Variants in KCNK2 observed in about 807,000 individuals in gnomAD.
KCNK2 encodes potassium two pore domain channel subfamily K member 2.
In KCNK2, 21 loss-of-function variants were observed where a neutral mutation model predicts 40.5. The observed-to-expected ratio is 0.52, with a 90% CI of 0.37 to 0.75. The LOEUF (loss-of-function observed/expected upper bound fraction) is 0.75, where lower values mean the gene tolerates loss of function less well. KCNK2 is among the 30% of genes least tolerant of loss of function. KCNK2 has a pLI of 0.00. For synonymous variants in KCNK2, 191 were observed against 202.2 expected (o/e 0.94, Z 0.47); for missense variants, 399 against 531.6 (o/e 0.75, Z 2.45).
intron 2 of KCNK2, among the ~76,000 whole-genome samples, chr1:215,087,807 A>T (rs769191294): frequency 2.0e-4 from 31 of 152,140 alleles, no homozygotes; most frequent in Non-Finnish European, 1.2e-4. Flanking sequence ...CCTTTCTCTC[A>T]TTTCCTCTTG....
At chr1:215,084,601 T>G (rs527438920) in intron 1 of KCNK2, among the ~76,000 whole-genome samples, 1 of 152,218 alleles carries the variant, frequency 6.6e-6, no homozygotes, top group African/African-American at 2.4e-5. Context: ...TTTTAACAGT[T>G]TTTTTTAATT....
In KCNK2 at chr1:215,083,201, C is replaced by CAA; in HGVS notation, c.-185_-184insAA. ...TTTCGTTTCTTCTCACGCTCCCCCCCCCGCCCCCTCCCGCGTCCAGCCCCG... is the reference window on the plus strand; with the variant it reads ...TTTCGTTTCTTCTCACGCTCCCCCCCAACCGCCCCCTCCCGCGTCCAGCCCCG... On this transcript the variant is annotated 5_prime_UTR_variant, in exon 1 of 7. Transcript: ENST00000444842. 5.3e-6 allele frequency: 4 copies of CAA among 753,662 alleles called. No homozygotes were observed. The highest frequency in any genetic ancestry group is 8.3e-6 in the Non-Finnish European group (4 of 479,538). The allele number at this position is 753,662 out of a possible 1,614,324, so 46.7% of individuals were successfully genotyped here. A position where few individuals can be genotyped will look rare whatever the true frequency, so the allele number is the denominator to read the frequency against.
intron 2 of KCNK2, among the ~76,000 whole-genome samples, chr1:215,105,029 T>C (rs1204617740): frequency 6.6e-6 from 1 of 151,986 alleles, no homozygotes; most frequent in East Asian, 1.9e-4. Flanking sequence ...TAAACTGTTC[T>C]GTTATATCAG....
chr1:215,140,148 A>T (rs1268588871), intron 3 of KCNK2, among the ~76,000 whole-genome samples: 1 of 152,196 alleles, frequency 6.6e-6, no homozygotes, highest in Admixed American at 6.6e-5. Context: ...CTCAGGTATT[A>T]TAATATGAAC....
chr1:215,111,198 A>C (rs1422075131), intron 2 of KCNK2, among the ~76,000 whole-genome samples: 2 of 151,832 alleles, frequency 1.3e-5, no homozygotes, highest in Non-Finnish European at 1.5e-5. Context: ...TTCTTTTCTG[A>C]TTTGGATGTC....
intron 6 of KCNK2, among the ~76,000 whole-genome samples, chr1:215,205,773 T>C (rs916767287): frequency 6.6e-6 from 1 of 152,170 alleles, no homozygotes; most frequent in Admixed American, 6.5e-5. Flanking sequence ...TTTGCTATCC[T>C]GATTAATTTG....
chr1:215,214,754 A>C (rs1571740155), intron 6 of KCNK2, among the ~76,000 whole-genome samples: 1 of 152,090 alleles, frequency 6.6e-6, no homozygotes, highest in Admixed American at 6.6e-5. Flanking sequence ...TGAGCCCGGG[A>C]GGTCGAGGTT....
At chr1:215,022,121 A>ATCTG (rs1340115683) in intron 1 of KCNK2, among the ~76,000 whole-genome samples, 1 of 59,050 alleles carries the variant, frequency 1.7e-5, no homozygotes, top group African/African-American at 3.8e-5. Flanking sequence ...CTATCTATCT[A>ATCTG]TCTATCTAAT....
chr1:215,202,735 T>G (rs1350395995), intron 6 of KCNK2, among the ~76,000 whole-genome samples: 1 of 152,178 alleles, frequency 6.6e-6, no homozygotes. Context: ...GAGAGAATGA[T>G]GTAAAATGCA....
intron 3 of KCNK2, among the ~76,000 whole-genome samples, chr1:215,128,251 C>T (rs1040833694): frequency 1.3e-5 from 2 of 152,052 alleles, no homozygotes; most frequent in Non-Finnish European, 2.9e-5. Flanking sequence ...TTGCAGGCAT[C>T]GGGAGCTCAT....
Position 215,223,444 on chromosome 1 carries a change from T to C in KCNK2, c.964-11384T>C, listed in dbSNP as rs529090267. Among the ~76,000 whole-genome samples the C allele has an allele frequency of 5.6e-4, 85 of 152,020 alleles. 1 individual carries two copies. The highest frequency in any genetic ancestry group is 3.4e-3 in the Middle Eastern group (1 of 294). On this transcript the variant is annotated intron_variant, in intron 6 of 6. Transcript: ENST00000444842. Reference sequence around the variant, plus strand: ...GAAGATTGCTTAAGAAGAGAAAGTATAGCCAATTCAAATGAAAAATATAGA... The same window carrying C: ...GAAGATTGCTTAAGAAGAGAAAGTACAGCCAATTCAAATGAAAAATATAGA...
chr1:215,114,789 G>T lies in KCNK2; in HGVS notation c.358-9844G>T, dbSNP rs187888464. 2.8e-4 allele frequency among the ~76,000 whole-genome samples: 43 copies of T among 152,146 alleles called. No homozygotes were observed. In the South Asian group the frequency reaches 7.7e-3, roughly 27 times the overall value. On this transcript the variant is annotated intron_variant, in intron 2 of 6. Transcript: ENST00000444842. ...AAGAAGTTTTACCTGGAGCCTAAAA[G>T]CACAGAAATTTCTTGTAGGTTATTA...
At chr1:215,155,825 T>C (rs1474374889) in intron 3 of KCNK2, among the ~76,000 whole-genome samples, 1 of 152,186 alleles carries the variant, frequency 6.6e-6, no homozygotes, top group East Asian at 1.9e-4. Context: ...GGCCGAGATT[T>C]AATTTTTTAG....
At chr1:215,153,746 T>C (rs1662790013) in intron 3 of KCNK2, among the ~76,000 whole-genome samples, 1 of 151,620 alleles carries the variant, frequency 6.6e-6, no homozygotes, top group Admixed American at 6.6e-5. Flanking sequence ...TTCCCTCCCC[T>C]CACTCCCCAC....
chr1:215,177,112 T>C (rs896475850), intron 5 of KCNK2, among the ~76,000 whole-genome samples: 5 of 152,144 alleles, frequency 3.3e-5, no homozygotes, highest in South Asian at 2.1e-4. Flanking sequence ...TTTTTTCATA[T>C]GTTTCTTGGC....
chr1:215,116,958 T>G (rs2102570966), intron 2 of KCNK2, among the ~76,000 whole-genome samples: 1 of 152,082 alleles, frequency 6.6e-6, no homozygotes, highest in Non-Finnish European at 1.5e-5. Flanking sequence ...ACTCCATTTC[T>G]TTTCTCCACA....
intron 1 of KCNK2, among the ~76,000 whole-genome samples, chr1:215,007,159 ATG>A (rs1371467414): frequency 1.0e-4 from 12 of 116,036 alleles, no homozygotes; most frequent in Admixed American, 2.8e-4. Flanking sequence ...ATATATATGT[ATG>A]TATATATATA....
chr1:215,217,711 G>A (rs1666016060), intron 6 of KCNK2, among the ~76,000 whole-genome samples: 1 of 152,132 alleles, frequency 6.6e-6, no homozygotes, highest in Admixed American at 6.5e-5. Flanking sequence ...TAGATTTAAT[G>A]GCTTTAAATT....
At chr1:215,190,538 C>T (rs965289722) in intron 5 of KCNK2, among the ~76,000 whole-genome samples, 1 of 152,056 alleles carries the variant, frequency 6.6e-6, no homozygotes, top group Non-Finnish European at 1.5e-5. Flanking sequence ...TCTTGGGTGG[C>T]CTGACATATG....
Sources: gnomAD v4.1 joint callset for allele counts (sites outside exome capture counted in the v4.1 genomes callset) on GRCh38, gnomAD v4.1.1 for gene constraint, MANE v1.5 for transcripts, NCBI Gene and HGNC (gene_info 2026-07-23, HGNC 2026-07-21) for gene names.